The following SGCZ variants were observed in gnomAD, a reference collection of about 807,000 sequenced individuals.
SGCZ encodes the protein sarcoglycan zeta, also known as zeta-sarcoglycan.
In SGCZ, 40 loss-of-function variants were observed where a neutral mutation model predicts 41.3. The ratio of observed to expected loss-of-function variants is 0.97; its 90% CI spans 0.75 to 1.26. The LOEUF is 1.26. Ranked by LOEUF, SGCZ falls within the 50% of genes most tolerant of loss-of-function variation. SGCZ has a pLI of 0.00. For synonymous variants in SGCZ, 206 were observed against 137.5 expected, an observed-to-expected ratio of 1.50 and a Z score of -3.49; for missense variants, 552 against 369.8, an observed-to-expected ratio of 1.49 and a Z score of -4.04.
chr8:14,828,603 A>G (rs1416188878), intron 1 of SGCZ, among the ~76,000 whole-genome samples: 2 of 152,200 alleles, frequency 1.3e-5, no homozygotes, highest in Non-Finnish European at 2.9e-5. Context: ...ACAAAGCACA[A>G]TCAAACCAGT....
chr8:14,227,293 G>A (rs562174325), intron 4 of SGCZ, among the ~76,000 whole-genome samples: 2 of 152,016 alleles, frequency 1.3e-5, no homozygotes, highest in Non-Finnish European at 2.9e-5. Context: ...CATGAGAAAA[G>A]GTGATCTCCA....
intron 1 of SGCZ, among the ~76,000 whole-genome samples, chr8:14,578,215 T>TA (rs1344497033): frequency 6.6e-6 from 1 of 152,192 alleles, no homozygotes; most frequent in African/African-American, 2.4e-5. Context: ...AATTCATCTA[T>TA]AGCCATCAGT....
chr8:14,461,537 T>A (rs1034446334), intron 2 of SGCZ, among the ~76,000 whole-genome samples: 2 of 152,078 alleles, frequency 1.3e-5, no homozygotes, highest in African/African-American at 2.4e-5. Context: ...CTCCAGGTGA[T>A]TGATTTGACC....
intron 1 of SGCZ, among the ~76,000 whole-genome samples, chr8:14,818,075 C>T (rs527507540): frequency 6.6e-6 from 1 of 152,142 alleles, no homozygotes; most frequent in Non-Finnish European, 1.5e-5. Flanking sequence ...CCCTTCTGTG[C>T]CCAGCCCACC....
intron 1 of SGCZ, among the ~76,000 whole-genome samples, chr8:15,151,391 T>C (rs529389622): frequency 4.1e-4 from 62 of 152,330 alleles, no homozygotes; most frequent in African/African-American, 1.4e-3. Context: ...TACAATAGAT[T>C]ACAAATACAT....
chr8:15,000,597 C>T (rs775445092), intron 1 of SGCZ, among the ~76,000 whole-genome samples: 4 of 152,130 alleles, frequency 2.6e-5, no homozygotes, highest in African/African-American at 4.8e-5. Flanking sequence ...GCTCCATCTT[C>T]GCTTCTCTTT....
chr8:14,591,666 C>A (rs905390766), intron 1 of SGCZ, among the ~76,000 whole-genome samples: 14 of 151,938 alleles, frequency 9.2e-5, no homozygotes, highest in African/African-American at 2.4e-4. Flanking sequence ...TGAATGAATG[C>A]CAGTAAAAAT....
intron 1 of SGCZ, among the ~76,000 whole-genome samples, chr8:15,056,026 G>A (rs972010638): frequency 6.6e-6 from 1 of 152,142 alleles, no homozygotes; most frequent in African/African-American, 2.4e-5. Flanking sequence ...TCCTCCTGCT[G>A]TTCATTTTTA....
intron 3 of SGCZ, among the ~76,000 whole-genome samples, chr8:14,275,301 C>G (rs773108101): frequency 2.6e-5 from 4 of 152,150 alleles, no homozygotes; most frequent in Non-Finnish European, 5.9e-5. Flanking sequence ...GACTTCTTCC[C>G]TATCCCTTTT....
intron 1 of SGCZ, among the ~76,000 whole-genome samples, chr8:14,886,966 G>A (rs1361446696): frequency 6.6e-6 from 1 of 152,044 alleles, no homozygotes; most frequent in African/African-American, 2.4e-5. Flanking sequence ...TACAGTGGGG[G>A]GTAAGAGAAT....
At chr8:14,499,540 A>G (rs1802091000) in intron 2 of SGCZ, among the ~76,000 whole-genome samples, 2 of 152,058 alleles carry the variant, frequency 1.3e-5, no homozygotes, top group South Asian at 2.1e-4. Flanking sequence ...ACTTATTTGA[A>G]TTTATTACAA....
At chr8:14,696,941 A>C (rs1361114984) in intron 1 of SGCZ, among the ~76,000 whole-genome samples, 1 of 145,900 alleles carries the variant, frequency 6.9e-6, no homozygotes, top group African/African-American at 2.7e-5. Flanking sequence ...AAAAATAATT[A>C]GGAAATCTAT....
At chr8:14,573,749 T>G (rs1368579682) in intron 1 of SGCZ, among the ~76,000 whole-genome samples, 1 of 152,192 alleles carries the variant, frequency 6.6e-6, no homozygotes, top group African/African-American at 2.4e-5. Context: ...TGAAAAATAT[T>G]CAACGAATAG....
At chr8:14,376,958 C>G (rs1207855750) in intron 2 of SGCZ, among the ~76,000 whole-genome samples, 1 of 152,176 alleles carries the variant, frequency 6.6e-6, no homozygotes, top group Non-Finnish European at 1.5e-5. Context: ...TAACACAGAA[C>G]TTCTAAGCCC....
intron 4 of SGCZ, among the ~76,000 whole-genome samples, chr8:14,231,265 G>C (rs145778543): frequency 6.6e-6 from 1 of 151,438 alleles, no homozygotes; most frequent in African/African-American, 2.4e-5. Context: ...GAGAGAGAGA[G>C]AGACAGAGAC....
intron 1 of SGCZ, among the ~76,000 whole-genome samples, chr8:14,784,529 T>G (rs1480008827): frequency 6.6e-6 from 1 of 152,072 alleles, no homozygotes; most frequent in Non-Finnish European, 1.5e-5. Context: ...GAACTGGTAG[T>G]ACCATTACTA....
At chr8:14,679,511 T>C (rs896248487) in intron 1 of SGCZ, among the ~76,000 whole-genome samples, 1 of 97,208 alleles carries the variant, frequency 1.0e-5, no homozygotes, top group Non-Finnish European at 2.4e-5. Flanking sequence ...ATATATTATA[T>C]ATATACACAC....
intron 1 of SGCZ, among the ~76,000 whole-genome samples, chr8:14,583,780 A>T (rs536133857): frequency 6.6e-6 from 1 of 152,124 alleles, no homozygotes; most frequent in African/African-American, 2.4e-5. Context: ...CATGCCAATC[A>T]TCTATATGAT....
intron 3 of SGCZ, among the ~76,000 whole-genome samples, chr8:14,248,025 G>C (rs1799166620): frequency 6.6e-6 from 1 of 152,164 alleles, no homozygotes; most frequent in South Asian, 2.1e-4. Context: ...TGGATGAATG[G>C]TTTAGCCAAT....
Sources: gnomAD v4.1 joint callset for allele counts (sites outside exome capture counted in the v4.1 genomes callset) on GRCh38, gnomAD v4.1.1 for gene constraint, MANE v1.5 for transcripts, NCBI Gene and HGNC (gene_info 2026-07-23, HGNC 2026-07-21) for gene names.